The following PBX1 variants were observed in gnomAD, a reference collection of about 807,000 sequenced individuals.
The protein encoded by PBX1 is pre-B-cell leukemia transcription factor 1.
In PBX1, 6 loss-of-function variants were observed where a neutral mutation model predicts 53.4. The observed-to-expected ratio is 0.11, with a 90% CI of 0.06 to 0.22. PBX1 has a LOEUF of 0.22. Ranked by LOEUF, PBX1 falls within the 10% of genes least tolerant of loss-of-function variation. The probability of loss-of-function intolerance (pLI) is 1.00; values close to 1 mark genes in which losing one functional copy is unlikely to be tolerated. For missense variants in PBX1, 251 were observed against 551.4 expected (o/e 0.46, Z 5.46); for synonymous variants, 204 against 212.3 (o/e 0.96, Z 0.34).
intron 2 of PBX1, among the ~76,000 whole-genome samples, chr1:164,715,969 G>A (rs1257338438): frequency 1.3e-5 from 2 of 152,192 alleles, no homozygotes; most frequent in East Asian, 1.9e-4. Context: ...CATTCAGAGA[G>A]GTCAGAATTT....
intron 2 of PBX1, among the ~76,000 whole-genome samples, chr1:164,695,888 A>G (rs1376859419): frequency 6.6e-6 from 1 of 152,222 alleles, no homozygotes; most frequent in Non-Finnish European, 1.5e-5. Context: ...CACAAAACTT[A>G]TATCTATCTC....
chr1:164,752,226 GTGTGT>G (rs1666274621), intron 2 of PBX1, among the ~76,000 whole-genome samples: 1 of 151,630 alleles, frequency 6.6e-6, no homozygotes, highest in Non-Finnish European at 1.5e-5. Context: ...GTGTGTGTGT[GTGTGT>G]GTGTGTGTGT....
intron 2 of PBX1, among the ~76,000 whole-genome samples, chr1:164,667,963 G>T (rs181884461): frequency 1.3e-5 from 2 of 152,312 alleles, no homozygotes; most frequent in Admixed American, 6.5e-5. Context: ...TACACAAATG[G>T]CTGCCCCCTT....
At chr1:164,731,542 G>A (rs925338311) in intron 2 of PBX1, among the ~76,000 whole-genome samples, 5 of 152,138 alleles carry the variant, frequency 3.3e-5, no homozygotes, top group East Asian at 1.9e-4. Flanking sequence ...TGTGAATGCC[G>A]TTGAAAGGGT....
chr1:164,768,828 C>T (rs1241983761), intron 2 of PBX1, among the ~76,000 whole-genome samples: 4 of 151,760 alleles, frequency 2.6e-5, no homozygotes, highest in African/African-American at 9.7e-5. Flanking sequence ...CTGAGGCAGG[C>T]AGATCACTTG....
intron 2 of PBX1, among the ~76,000 whole-genome samples, chr1:164,643,228 G>A (rs1278191682): frequency 1.3e-5 from 2 of 152,146 alleles, no homozygotes; most frequent in African/African-American, 4.8e-5. Context: ...GTTAAATGGG[G>A]CGTTGCAGAC....
At chr1:164,836,308 A>C (rs1387248500) in intron 8 of PBX1, among the ~76,000 whole-genome samples, 1 of 152,150 alleles carries the variant, frequency 6.6e-6, no homozygotes, top group Non-Finnish European at 1.5e-5. Flanking sequence ...AGAAAGGCCA[A>C]AGCAGACTCC....
At chr1:164,696,218 A>G (rs1050773967) in intron 2 of PBX1, among the ~76,000 whole-genome samples, 10 of 152,196 alleles carry the variant, frequency 6.6e-5, no homozygotes, top group African/African-American at 1.9e-4. Context: ...AGGATCTGGG[A>G]TCTGCTATCT....
chr1:164,663,397 TTAG>T (rs1660626961), intron 2 of PBX1, among the ~76,000 whole-genome samples: 1 of 152,128 alleles, frequency 6.6e-6, no homozygotes, highest in South Asian at 2.1e-4. Context: ...AGAAAGTATC[TTAG>T]TAGGATTGCT....
chr1:164,873,423 A>G (rs1672427668), intron 2 of PBX1, among the ~76,000 whole-genome samples: 1 of 152,214 alleles, frequency 6.6e-6, no homozygotes, highest in Admixed American at 6.5e-5. Context: ...CCCCCTTACC[A>G]AGTAGTAAAT....
At chr1:164,673,183 G>A (rs549408368) in intron 2 of PBX1, among the ~76,000 whole-genome samples, 3 of 152,044 alleles carry the variant, frequency 2.0e-5, no homozygotes, top group South Asian at 4.1e-4. Context: ...AATGATCATA[G>A]TATATGATAT....
At chr1:164,576,630 G>A (rs1354876085) in intron 2 of PBX1, among the ~76,000 whole-genome samples, 1 of 152,230 alleles carries the variant, frequency 6.6e-6, no homozygotes, top group Non-Finnish European at 1.5e-5. Context: ...CAGCCGCAGC[G>A]GTCTGCTCCC....
intron 8 of PBX1, among the ~76,000 whole-genome samples, chr1:164,839,914 G>C (rs1671213779): frequency 6.6e-6 from 1 of 151,956 alleles, no homozygotes; most frequent in South Asian, 2.1e-4. Context: ...GGCAATTAGA[G>C]AGGATACCCT....
At chr1:164,619,468 G>A (rs902261481) in intron 2 of PBX1, among the ~76,000 whole-genome samples, 6 of 152,070 alleles carry the variant, frequency 3.9e-5, no homozygotes, top group Admixed American at 1.3e-4. Context: ...TGAGGGGATC[G>A]GTGGGGAGTG....
At chr1:164,881,123 T>C (rs1188007341) in intron 2 of PBX1, among the ~76,000 whole-genome samples, 2 of 152,042 alleles carry the variant, frequency 1.3e-5, no homozygotes, top group Admixed American at 6.6e-5. Flanking sequence ...GCCCTCCCCT[T>C]TTTCTCCCAC....
At chr1:164,725,594 A>G (rs1274217672) in intron 2 of PBX1, among the ~76,000 whole-genome samples, 1 of 152,154 alleles carries the variant, frequency 6.6e-6, no homozygotes, top group Non-Finnish European at 1.5e-5. Flanking sequence ...CTGATTACCC[A>G]TAAACACACA....
intron 2 of PBX1, chr1:164,642,173 T>G (rs1029482059): frequency 6.6e-6 from 1 of 152,218 alleles, no homozygotes; most frequent in South Asian, 2.1e-4. Flanking sequence ...TTTCCACATT[T>G]CCATCACCAG....
intron 2 of PBX1, among the ~76,000 whole-genome samples, chr1:164,763,959 G>T (rs1203932505): frequency 6.6e-6 from 1 of 152,212 alleles, no homozygotes; most frequent in Non-Finnish European, 1.5e-5. Flanking sequence ...TAATAGAATG[G>T]TTTATAGGAT....
intron 2 of PBX1, among the ~76,000 whole-genome samples, chr1:164,687,378 A>G (rs1420152803): frequency 1.3e-5 from 2 of 151,964 alleles, no homozygotes; most frequent in African/African-American, 2.4e-5. Context: ...TCTGGGCAAC[A>G]TGGTGAAACC....
Sources: gnomAD v4.1 joint callset for allele counts (sites outside exome capture counted in the v4.1 genomes callset) on GRCh38, gnomAD v4.1.1 for gene constraint, MANE v1.5 for transcripts, NCBI Gene and HGNC (gene_info 2026-07-23, HGNC 2026-07-21) for gene names.